The following EDIL3 variants were observed in gnomAD, a reference collection of about 807,000 sequenced individuals.
The protein encoded by EDIL3 is EGF-like repeat and discoidin I-like domain-containing protein 3.
A neutral mutation model predicts 67.4 loss-of-function variants in EDIL3; 37 were observed. The observed-to-expected ratio is 0.55, with a 90% confidence interval of 0.42 to 0.72. The LOEUF (loss-of-function observed/expected upper bound fraction) is 0.72, where lower values mean the gene tolerates loss of function less well. Among genes scored for constraint, EDIL3 ranks in the 30% least tolerant of loss-of-function variants. The pLI is 0.00. For missense variants in EDIL3, 527 were observed against 586.3 expected, an observed-to-expected ratio of 0.90 and a Z score of 1.04; for synonymous variants, 195 against 196.3, an observed-to-expected ratio of 0.99 and a Z score of 0.05.
chr5:84,080,970 T>C (rs1485112147), intron 6 of EDIL3, among the ~76,000 whole-genome samples: 2 of 152,230 alleles, frequency 1.3e-5, no homozygotes, highest in African/African-American at 2.4e-5. Flanking sequence ...TTAACTTAAT[T>C]GTCCTCTTTG....
intron 1 of EDIL3, among the ~76,000 whole-genome samples, chr5:84,291,567 C>A (rs950684780): frequency 6.6e-6 from 1 of 150,940 alleles, no homozygotes; most frequent in African/African-American, 2.4e-5. Flanking sequence ...AAAATTGATA[C>A]AAAGATTATA....
At chr5:84,012,150 G>A (rs1303010462) in intron 9 of EDIL3, among the ~76,000 whole-genome samples, 3 of 152,140 alleles carry the variant, frequency 2.0e-5, no homozygotes, top group African/African-American at 7.2e-5. Flanking sequence ...ATAACAGGGA[G>A]GTGTCCTAAT....
At chr5:84,212,004 T>A (rs1484081350) in intron 3 of EDIL3, among the ~76,000 whole-genome samples, 1 of 152,214 alleles carries the variant, frequency 6.6e-6, no homozygotes. Flanking sequence ...ACTGCTGTGC[T>A]GTTTTGATTG....
At chr5:84,171,080 C>G (rs940963491) in intron 4 of EDIL3, among the ~76,000 whole-genome samples, 15 of 152,094 alleles carry the variant, frequency 9.9e-5, no homozygotes, top group African/African-American at 3.4e-4. Flanking sequence ...TAGCTGTGAG[C>G]CACCGCACCT....
chr5:84,303,751 G>C (rs1746206144), intron 1 of EDIL3, among the ~76,000 whole-genome samples: 1 of 150,852 alleles, frequency 6.6e-6, no homozygotes, highest in Non-Finnish European at 1.5e-5. Context: ...TATTCTTCCA[G>C]CTCTTTAATT....
chr5:83,954,139 G>A (rs762280881), intron 10 of EDIL3, among the ~76,000 whole-genome samples: 3 of 151,744 alleles, frequency 2.0e-5, no homozygotes, highest in Non-Finnish European at 4.4e-5. Flanking sequence ...TGGTGTGATG[G>A]TGGATAGTAA....
At chr5:84,035,638 A>G (rs1268534867) in intron 9 of EDIL3, among the ~76,000 whole-genome samples, 1 of 152,172 alleles carries the variant, frequency 6.6e-6, no homozygotes, top group Non-Finnish European at 1.5e-5. Context: ...GTAAGAAACT[A>G]AACTTCTTTC....
At chr5:84,244,779 T>A (rs73142627) in intron 2 of EDIL3, among the ~76,000 whole-genome samples, 1 of 152,174 alleles carries the variant, frequency 6.6e-6, no homozygotes, top group Non-Finnish European at 1.5e-5. Context: ...ATACTTTAGA[T>A]TGGGGTCCTA....
intron 1 of EDIL3, among the ~76,000 whole-genome samples, chr5:84,303,816 G>A (rs867020585): frequency 8.6e-6 from 1 of 115,740 alleles, no homozygotes; most frequent in African/African-American, 3.0e-5. Flanking sequence ...CTCTGTGTGT[G>A]TGTGTGTGTG....
chr5:84,025,677 T>C (rs1692326102), intron 9 of EDIL3, among the ~76,000 whole-genome samples: 1 of 152,174 alleles, frequency 6.6e-6, no homozygotes. Flanking sequence ...TATGCACCCA[T>C]GCTACTGAAG....
intron 1 of EDIL3, among the ~76,000 whole-genome samples, chr5:84,345,892 G>A (rs1284623847): frequency 6.6e-6 from 1 of 152,002 alleles, no homozygotes; most frequent in African/African-American, 2.4e-5. Context: ...TAAAACATAT[G>A]GGAGACTCTC....
chr5:84,237,270 A>C (rs1398291187), intron 2 of EDIL3, among the ~76,000 whole-genome samples: 2 of 152,150 alleles, frequency 1.3e-5, no homozygotes, highest in Non-Finnish European at 2.9e-5. Flanking sequence ...AGAAAACTAA[A>C]AAGTAATGAA....
At chr5:84,260,938 ATACT>A (rs1201700850) in intron 1 of EDIL3, among the ~76,000 whole-genome samples, 1 of 152,222 alleles carries the variant, frequency 6.6e-6, no homozygotes, top group Non-Finnish European at 1.5e-5. Context: ...ATTGCAATAC[ATACT>A]TACATATGGA....
intron 6 of EDIL3, among the ~76,000 whole-genome samples, chr5:84,097,107 A>C (rs2112273889): frequency 6.6e-6 from 1 of 152,306 alleles, no homozygotes; most frequent in South Asian, 2.1e-4. Context: ...ATAAAAACAG[A>C]CTAATACACC....
At chr5:84,250,217 C>A (rs896417801) in intron 2 of EDIL3, among the ~76,000 whole-genome samples, 3 of 152,122 alleles carry the variant, frequency 2.0e-5, no homozygotes, top group African/African-American at 7.2e-5. Flanking sequence ...AGAAGTTTTC[C>A]TACTGCCATT....
At position 83,942,422 on chromosome 5, in the gene EDIL3, A is replaced by G. The variant is rs567089042; in HGVS notation, c.*997T>C. 1 of 152,182 alleles carries G rather than the reference A, an allele frequency of 6.6e-6. No homozygotes were observed. The highest frequency in any genetic ancestry group is 2.1e-4 in the South Asian group (1 of 4,832). 9.4% of individuals were successfully genotyped at this position (152,182 alleles called of 1,614,324 possible). A position where few individuals can be genotyped will look rare whatever the true frequency, so the allele number is the denominator to read the frequency against. On this transcript the variant is annotated 3_prime_UTR_variant, in exon 11 of 11. Transcript: ENST00000296591. ...AATGATGAGTATGCTTGGCCAAACT[A>G]TGCAGCACTATATTAATATTTCTTT...
At chr5:84,344,984 T>A (rs1164790053) in intron 1 of EDIL3, among the ~76,000 whole-genome samples, 1 of 152,180 alleles carries the variant, frequency 6.6e-6, no homozygotes, top group Non-Finnish European at 1.5e-5. Context: ...AAAATTCTTG[T>A]AATTGCTTAC....
intron 1 of EDIL3, among the ~76,000 whole-genome samples, chr5:84,341,957 ACTGTG>A (rs1028678088): frequency 2.2e-4 from 33 of 152,058 alleles, no homozygotes; most frequent in Non-Finnish European, 4.3e-4. Flanking sequence ...GATCAGGCAC[ACTGTG>A]CTATGGCCAT....
chr5:83,974,070 C>CACAGATTT (rs899461647), intron 9 of EDIL3, among the ~76,000 whole-genome samples: 21 of 151,874 alleles, frequency 1.4e-4, no homozygotes, highest in South Asian at 8.3e-4. Flanking sequence ...GTAAATCGTC[C>CACAGATTT]ACAGAGTCCT....
Sources: gnomAD v4.1 joint callset for allele counts (sites outside exome capture counted in the v4.1 genomes callset) on GRCh38, gnomAD v4.1.1 for gene constraint, MANE v1.5 for transcripts, NCBI Gene and HGNC (gene_info 2026-07-23, HGNC 2026-07-21) for gene names.